KIAA2012: variants seen among roughly 807,000 people sequenced by gnomAD.
KIAA2012 encodes the protein KIAA2012.
In KIAA2012, 125 loss-of-function variants were observed where a neutral mutation model predicts 150.6. The ratio of observed to expected loss-of-function variants is 0.83; its 90% CI spans 0.72 to 0.96. The LOEUF (loss-of-function observed/expected upper bound fraction) is 0.96. Ranked by LOEUF, KIAA2012 falls within the 40% of genes least tolerant of loss-of-function variation. The pLI is 0.00. For synonymous variants in KIAA2012, 462 were observed against 504.7 expected (o/e 0.92, Z 1.13); for missense variants, 1,219 against 1,354.9 (o/e 0.90, Z 1.57).
chr2:202,120,797 T>A (rs1479611583), intron 11 of KIAA2012, among the ~76,000 whole-genome samples: 8 of 152,182 alleles, frequency 5.3e-5, no homozygotes. Context: ...AGAGAACACA[T>A]TTGGTACTCC....
In KIAA2012 at chr2:202,133,109, A is replaced by AT. The variant is rs1553556981; in HGVS notation, c.1832-5323_1832-5322insT. 2.2e-4 allele frequency among the ~76,000 whole-genome samples: 19 copies of AT among 87,886 alleles called. 1 individual carries two copies. Among genetic ancestry groups the AT allele is most frequent in the South Asian group, 4.1e-4 (1 of 2,454 alleles). The allele number at this position is 87,886 out of a possible 152,430, so 57.7% of individuals were successfully genotyped here. On this transcript the variant is annotated intron_variant, in intron 12 of 23. Transcript: ENST00000498697. The stretch of plus-strand genomic sequence containing the variant: ...GACAGTGTGAGACTGTCTAAAAAAA[A>AT]ATATATATATATATATATATATTTT...
intron 9 of KIAA2012, among the ~76,000 whole-genome samples, chr2:202,108,164 C>G (rs1049215757): frequency 1.3e-5 from 2 of 152,170 alleles, no homozygotes; most frequent in Non-Finnish European, 2.9e-5. Context: ...GCCTGGATTA[C>G]TTCACCTCTA....
chr2:202,098,789 C>CGTGTGTGTGTGTGTGTGTGTGTGT (rs10536026), intron 5 of KIAA2012, among the ~76,000 whole-genome samples: 1 of 148,412 alleles, frequency 6.7e-6, no homozygotes, highest in Non-Finnish European at 1.5e-5. Flanking sequence ...ACTCTAAGGC[C>CGTGTGTGTGTGTGTGTGTGTGTGT]GTGTGTGTGT....
chr2:202,087,406 C>T (rs11678462), intron 2 of KIAA2012, among the ~76,000 whole-genome samples: 124,404 of 151,468 alleles, frequency 0.82, 51,302 homozygotes, highest in African/African-American at 0.86. Context: ...CCAACTACTC[C>T]GGAGGCTGAG....
At chr2:202,173,055 A>C (rs1691925631) in intron 15 of KIAA2012, among the ~76,000 whole-genome samples, 1 of 152,240 alleles carries the variant, frequency 6.6e-6, no homozygotes, top group Admixed American at 6.5e-5. Context: ...AGGAGGAAGT[A>C]GGAAGTGGTG....
intron 13 of KIAA2012, among the ~76,000 whole-genome samples, chr2:202,141,005 C>A (rs915323477): frequency 6.6e-6 from 1 of 152,214 alleles, no homozygotes; most frequent in Non-Finnish European, 1.5e-5. Context: ...GGTATTACCA[C>A]CCTCTAATGA....
intron 12 of KIAA2012, among the ~76,000 whole-genome samples, chr2:202,133,108 A>AT (rs1690990588): frequency 2.3e-5 from 2 of 85,928 alleles, no homozygotes; most frequent in Admixed American, 1.3e-4. Flanking sequence ...GTCTAAAAAA[A>AT]AATATATATA....
intron 22 of KIAA2012, among the ~76,000 whole-genome samples, chr2:202,202,176 G>A (rs1574321429): frequency 6.6e-6 from 1 of 152,146 alleles, no homozygotes; most frequent in South Asian, 2.1e-4. Context: ...TTAAATGAGG[G>A]AGTCCTTTCC....
At chr2:202,076,915 T>C (rs1294380809) in intron 2 of KIAA2012, 2 of 455,484 alleles carry the variant, frequency 4.4e-6, no homozygotes, top group African/African-American at 2.0e-5. Flanking sequence ...CAAACATCTG[T>C]GTCCACTGGC....
At position 202,121,777 on chromosome 2, in the gene KIAA2012, C is replaced by G. The variant is rs567571632; in HGVS notation, c.1763-3437C>G. Among the ~76,000 whole-genome samples, 3 of 152,204 alleles carry G rather than the reference C, an allele frequency of 2.0e-5. No individual in the cohort carries two copies. The East Asian group carries it at 5.8e-4, about 29-fold the overall frequency. On this transcript the variant is annotated intron_variant, in intron 11 of 23. Coordinates refer to ENST00000498697, the MANE Select transcript of KIAA2012 (RefSeq NM_001277372.4). ...TCACTGCCCTCAAGGACCTCAGAGT[C>G]GACGTGGAGAACAGATTCACAAGCC...
intron 21 of KIAA2012, among the ~76,000 whole-genome samples, chr2:202,195,094 A>G (rs1244646590): frequency 6.6e-6 from 1 of 152,136 alleles, no homozygotes; most frequent in East Asian, 1.9e-4. Context: ...TTAATTGACA[A>G]CAATAATTGT....
intron 2 of KIAA2012, among the ~76,000 whole-genome samples, chr2:202,081,611 G>A (rs961887490): frequency 4.1e-5 from 6 of 147,710 alleles, no homozygotes; most frequent in Admixed American, 1.4e-4. Flanking sequence ...GCAATGGCGC[G>A]ATCTCAGCTC....
Position 202,159,024 on chromosome 2 carries a change from GGACAACAGCCA to G in KIAA2012, c.2046+4216_2046+4226del, listed in dbSNP as rs1267711666. Among the ~76,000 whole-genome samples the G allele has an allele frequency of 1.4e-4, 21 of 152,252 alleles. No individual in the cohort carries two copies. In the South Asian group the frequency reaches 3.1e-3, roughly 23 times the overall value. On this transcript the variant is annotated intron_variant, in intron 14 of 23. Coordinates refer to ENST00000498697, the MANE Select transcript of KIAA2012 (RefSeq NM_001277372.4). ...AAGGTAGAGGAATTGGCCTGAACACGGACAACAGCCAGCCATGCCTGGAGTTAGAGCTGCCC... is the reference window on the plus strand; with the variant it reads ...AAGGTAGAGGAATTGGCCTGAACACGGCCATGCCTGGAGTTAGAGCTGCCC...
intron 13 of KIAA2012, among the ~76,000 whole-genome samples, chr2:202,153,915 C>T (rs150414405): frequency 1.3e-5 from 2 of 152,126 alleles, no homozygotes; most frequent in Non-Finnish European, 2.9e-5. Context: ...GGACAATGGC[C>T]TTTGAAGGTA....
chr2:202,137,216 C>T (rs1250621115), intron 12 of KIAA2012: 1 of 152,072 alleles, frequency 6.6e-6, no homozygotes, highest in African/African-American at 2.4e-5. Context: ...TTTTGTTGGA[C>T]ATTCGTCCCA....
At chr2:202,103,757 G>C (rs541559484) in intron 8 of KIAA2012, among the ~76,000 whole-genome samples, 1 of 152,350 alleles carries the variant, frequency 6.6e-6, no homozygotes, top group Non-Finnish European at 1.5e-5. Flanking sequence ...AGTTCTAAGA[G>C]AATATGAGCA....
chr2:202,128,843 G>A (rs1690858876), intron 12 of KIAA2012, among the ~76,000 whole-genome samples: 1 of 150,978 alleles, frequency 6.6e-6, no homozygotes, highest in Non-Finnish European at 1.5e-5. Context: ...TTGTTCCCTT[G>A]ATTTGCCCAA....
At chr2:202,133,130 A>ATATATATTTATTTATTTTTTTTTTT (rs1279080237) in intron 12 of KIAA2012, among the ~76,000 whole-genome samples, 24 of 67,766 alleles carry the variant, frequency 3.5e-4, no homozygotes, top group African/African-American at 1.3e-3. Context: ...ATATATATAT[A>ATATATATTTATTTATTTTTTTTTTT]TTTTTTTTTT....
chr2:202,148,846 G>A (rs73992846), intron 13 of KIAA2012, among the ~76,000 whole-genome samples: 5,163 of 152,222 alleles, frequency 0.034, 286 homozygotes, highest in African/African-American at 0.12. Context: ...CTCCAAGTCA[G>A]CCTGAGGTTG....
Sources: allele counts gnomAD v4.1 joint callset (sites outside exome capture counted in the v4.1 genomes callset), GRCh38; gene constraint gnomAD v4.1.1; transcripts MANE v1.5; gene names NCBI Gene and HGNC (gene_info 2026-07-23, HGNC 2026-07-21).